Variants in EML4 observed in about 807,000 individuals in gnomAD.
EML4 encodes EMAP like 4.
A neutral mutation model predicts 129.0 loss-of-function variants in EML4; 72 were observed. The ratio of observed to expected loss-of-function variants is 0.56; its 90% CI spans 0.46 to 0.68. The LOEUF is 0.68. EML4 is among the 30% of genes least tolerant of loss of function. The pLI, the probability that EML4 is intolerant of heterozygous loss-of-function variation, is 0.00. For missense variants in EML4, 1,363 were observed against 1,190.6 expected, an observed-to-expected ratio of 1.14 and a Z score of -2.13; for synonymous variants, 532 against 405.0, an observed-to-expected ratio of 1.31 and a Z score of -3.77.
At chr2:42,318,143 G>C (rs1026959338) in intron 19 of EML4, among the ~76,000 whole-genome samples, 1 of 152,146 alleles carries the variant, frequency 6.6e-6, no homozygotes, top group African/African-American at 2.4e-5. Context: ...GTGTTCCTTT[G>C]TCCTCAAGAA....
Position 42,329,742 on chromosome 2 carries a change from T to A in EML4, c.2481T>A (p.Ser827Arg). The A allele has an allele frequency of 1.2e-6, 2 of 1,612,504 alleles. No homozygotes were observed. Among genetic ancestry groups the A allele is most frequent in the Non-Finnish European group, 1.7e-6 (2 of 1,178,730 alleles). Reference protein sequence around the residue: ...QYPCSKAKAPSHKYSAHSSHV... With the variant: ...QYPCSKAKAPRHKYSAHSSHV... ...TGATTTATTTCATATAGGCTCCCAG[T>A]CACAAGTACAGTGCCCACAGCAGCC... Residue 827 changes from serine (S) to arginine (R), a missense_variant, in exon 23 of 23, where the codon AGT becomes AGA. Coordinates refer to ENST00000318522, the MANE Select transcript of EML4 (RefSeq NM_019063.5).
chr2:42,186,445 T>G (rs1051800725), intron 1 of EML4, among the ~76,000 whole-genome samples: 1 of 152,206 alleles, frequency 6.6e-6, no homozygotes, highest in Non-Finnish European at 1.5e-5. Flanking sequence ...AAACAACAGA[T>G]AAGATAAAGA....
chr2:42,326,324 T>A, intron 21 of EML4, 72 bp downstream of exon 21: 1 of 1,022,380 alleles, frequency 9.8e-7, no homozygotes, highest in South Asian at 1.5e-5. Flanking sequence ...TTGCTTAAAT[T>A]TATAAATGAA....
intron 1 of EML4, among the ~76,000 whole-genome samples, chr2:42,228,410 C>T (rs1204971732): frequency 6.6e-6 from 1 of 152,086 alleles, no homozygotes; most frequent in African/African-American, 2.4e-5. Context: ...GATAGATTTC[C>T]TCTGGGTCTT....
intron 1 of EML4, among the ~76,000 whole-genome samples, chr2:42,188,469 G>A (rs1338492619): frequency 6.6e-6 from 1 of 151,988 alleles, no homozygotes; most frequent in Non-Finnish European, 1.5e-5. Flanking sequence ...TGATCCGCCA[G>A]TCTCAGCCTC....
chr2:42,320,795 G>T (rs371795450), intron 19 of EML4, among the ~76,000 whole-genome samples: 1 of 152,018 alleles, frequency 6.6e-6, no homozygotes, highest in South Asian at 2.1e-4. Context: ...TCAAATTCCT[G>T]TGTACCTTTT....
At chr2:42,228,014 G>A (rs534944621) in intron 1 of EML4, among the ~76,000 whole-genome samples, 20 of 152,096 alleles carry the variant, frequency 1.3e-4, no homozygotes, top group Non-Finnish European at 2.6e-4. Context: ...GAGGTCAGGA[G>A]TACAGAAGCA....
chr2:42,319,774 T>C (rs1310253990), intron 19 of EML4: 1 of 152,226 alleles, frequency 6.6e-6, no homozygotes, highest in African/African-American at 2.4e-5. Flanking sequence ...TTTTAAAACA[T>C]AACAACTAGA....
chr2:42,300,253 G>A (rs1194162609), intron 13 of EML4, among the ~76,000 whole-genome samples: 1 of 152,100 alleles, frequency 6.6e-6, no homozygotes, highest in Non-Finnish European at 1.5e-5. Flanking sequence ...TAATTCTGTA[G>A]GACATCATCT....
intron 1 of EML4, among the ~76,000 whole-genome samples, chr2:42,238,815 G>A (rs1014349145): frequency 6.6e-6 from 1 of 152,096 alleles, no homozygotes; most frequent in South Asian, 2.1e-4. Flanking sequence ...ACAGGGTCTT[G>A]CTCTGTCACG....
At chr2:42,179,684 C>T (rs1670816373) in intron 1 of EML4, among the ~76,000 whole-genome samples, 1 of 152,030 alleles carries the variant, frequency 6.6e-6, no homozygotes, top group South Asian at 2.1e-4. Context: ...CTCACTGCAC[C>T]CTCTGCCTCC....
intron 6 of EML4, among the ~76,000 whole-genome samples, chr2:42,274,051 C>A (rs1666520781): frequency 6.6e-6 from 1 of 152,120 alleles, no homozygotes; most frequent in East Asian, 1.9e-4. Flanking sequence ...TATAAAATTA[C>A]AGTAAATATT....
intron 2 of EML4, among the ~76,000 whole-genome samples, chr2:42,255,204 G>T (rs915909746): frequency 6.6e-6 from 1 of 151,984 alleles, no homozygotes; most frequent in Non-Finnish European, 1.5e-5. Context: ...TCCTGCCTCA[G>T]CCTCCCAAGT....
chr2:42,324,177 C>G (rs945640581), intron 19 of EML4, among the ~76,000 whole-genome samples: 1 of 152,100 alleles, frequency 6.6e-6, no homozygotes, highest in Admixed American at 6.5e-5. Flanking sequence ...CACCTGTATT[C>G]CCAGCTACTC....
intron 6 of EML4, among the ~76,000 whole-genome samples, chr2:42,268,339 A>AGTATTTGAAAAC (rs1558558932): frequency 1.3e-5 from 2 of 152,234 alleles, no homozygotes; most frequent in Non-Finnish European, 2.9e-5. Context: ...TACCTTTTAT[A>AGTATTTGAAAAC]TCAAGGACTT....
chr2:42,290,876 A>G (rs1390153120), intron 11 of EML4, among the ~76,000 whole-genome samples: 1 of 152,254 alleles, frequency 6.6e-6, no homozygotes, highest in East Asian at 1.9e-4. Flanking sequence ...ATTGAGCTAT[A>G]TATACATTTA....
chr2:42,264,084 C>G (rs1403982528), intron 5 of EML4, among the ~76,000 whole-genome samples: 1 of 148,692 alleles, frequency 6.7e-6, no homozygotes, highest in African/African-American at 2.5e-5. Flanking sequence ...TTTTAAGGCT[C>G]CCAACTCAAA....
intron 1 of EML4, among the ~76,000 whole-genome samples, chr2:42,219,265 C>G (rs1407989128): frequency 2.0e-5 from 3 of 152,142 alleles, no homozygotes; most frequent in Non-Finnish European, 2.9e-5. Flanking sequence ...TTTTTTCAAC[C>G]AAACGTGGAT....
chr2:42,263,231 A>G lies in EML4; in HGVS notation c.566A>G (p.Asp189Gly). 6.2e-7 allele frequency: 1 copy of G among 1,613,314 alleles called. No homozygotes were observed. Among genetic ancestry groups the G allele is most frequent in the Non-Finnish European group, 8.5e-7 (1 of 1,179,630 alleles). Residue 189 changes from aspartate to glycine, a missense_variant, in exon 5 of 23, where the codon GAT (aspartate) becomes GGT (glycine). By Grantham distance (94) the Asp-to-Gly change is moderately conservative. Transcript: ENST00000318522. ...TCACATAATTCTTGGGAAAATTCAG[A>G]TGATAGCCGTAATAAATTGTCGAAA... ...EKSHNSWENS[D>G]DSRNKLSKIP...
Sources: allele counts gnomAD v4.1 joint callset (sites outside exome capture counted in the v4.1 genomes callset), GRCh38; gene constraint gnomAD v4.1.1; transcripts MANE v1.5; gene names NCBI Gene and HGNC (gene_info 2026-07-23, HGNC 2026-07-21).